Variants in MDM1 observed in about 807,000 individuals in gnomAD.
MDM1 encodes the protein Mdm1 nuclear protein.
MDM1 carries 61 observed loss-of-function variants against 89.1 expected under a neutral mutation model. That is an observed-to-expected ratio of 0.68 (90% CI 0.56 to 0.85). The LOEUF (loss-of-function observed/expected upper bound fraction) is 0.85, where lower values mean the gene tolerates loss of function less well. Among genes scored for constraint, MDM1 ranks in the 40% least tolerant of loss-of-function variants. The pLI, the probability that MDM1 is intolerant of heterozygous loss-of-function variation, is 0.00. For synonymous variants in MDM1, 290 were observed against 294.1 expected (o/e 0.99, Z 0.14); for missense variants, 820 against 846.5 (o/e 0.97, Z 0.39).
chr12:68,323,437 C>G, intron 4 of MDM1, 197 bp from the exon 5 acceptor site: 1 of 447,038 alleles, frequency 2.2e-6, no homozygotes. Flanking sequence ...TTTTGAATAA[C>G]AGTTTTGTAA....
At chr12:68,306,880 G>T (rs1206235865) in intron 12 of MDM1, among the ~76,000 whole-genome samples, 3 of 152,154 alleles carry the variant, frequency 2.0e-5, no homozygotes, top group Non-Finnish European at 4.4e-5. Context: ...CTATGAAAAA[G>T]ACCTGCACTC....
Position 68,326,423 on chromosome 12 carries a change from T to C in MDM1, c.498+234A>G, listed in dbSNP as rs1875984394. 2.8e-6 allele frequency: 4 copies of C among 1,451,006 alleles called. No individual in the cohort carries two copies. In the Admixed American group the frequency reaches 8.4e-5, roughly 31 times the overall value. The allele number at this position is 1,451,006 out of a possible 1,614,324, so 89.9% of individuals were successfully genotyped here. On this transcript the variant is annotated intron_variant, in intron 3 of 14. Coordinates refer to ENST00000682720, the MANE Select transcript of MDM1 (RefSeq NM_001354969.2). ...ATGAATAAAATCCAGACGCAGGAGGTCCATCCAATAAACAGATTATCATAG... is the reference window on the plus strand; with the variant it reads ...ATGAATAAAATCCAGACGCAGGAGGCCCATCCAATAAACAGATTATCATAG...
Position 68,315,224 on chromosome 12 carries a change from G to T in MDM1, c.1253C>A (p.Thr418Lys). The T allele has an allele frequency of 6.2e-7, 1 of 1,614,142 alleles. No individual in the cohort carries two copies. Among genetic ancestry groups the T allele is most frequent in the Non-Finnish European group, 8.5e-7 (1 of 1,180,022 alleles). The change falls in exon 10 of 15, where the codon ACA becomes AAA. Residue 418 changes from threonine to lysine, a missense_variant. Coordinates refer to ENST00000682720, the MANE Select transcript of MDM1 (RefSeq NM_001354969.2). Reference protein sequence around the residue: ...SHKTLQKCPSTEPEEKGNIVE... With the variant: ...SHKTLQKCPSKEPEEKGNIVE... ...GATATTTCCTTTTTCTTCTGGTTCTGTAGAAGGACATTTCTGCAAAGTCTT... is the reference window on the plus strand; with the variant it reads ...GATATTTCCTTTTTCTTCTGGTTCTTTAGAAGGACATTTCTGCAAAGTCTT...
In MDM1 at chr12:68,306,995, T is replaced by C. The variant is rs912619546; in HGVS notation, c.1750-4123A>G. Among the ~76,000 whole-genome samples the C allele has an allele frequency of 2.6e-5, 4 of 152,248 alleles. No individual in the cohort carries two copies. The East Asian group carries it at 5.8e-4, about 22-fold the overall frequency. On this transcript the variant is annotated intron_variant, in intron 12 of 14. Transcript: ENST00000682720. ...GAAAATGTAGTACATATACACACCATAGAATACTGCGCAGCCATAAGAAAG... is the reference window on the plus strand; with the variant it reads ...GAAAATGTAGTACATATACACACCACAGAATACTGCGCAGCCATAAGAAAG...
Position 68,319,503 on chromosome 12 carries a change from G to A in MDM1, c.1005+1844C>T, listed in dbSNP as rs547220209. ...CTCCTTCCTGAAATGTTAGGAGTGG[G>A]AAAATGAAGGAGTACTGTACCTTAT... is the stretch of plus-strand genomic sequence containing the variant. On this transcript the variant is annotated intron_variant, in intron 7 of 14. Transcript: ENST00000682720. Among the ~76,000 whole-genome samples the A allele has an allele frequency of 1.2e-4, 19 of 152,272 alleles. No homozygotes were observed. In the South Asian group the frequency reaches 3.7e-3, roughly 30 times the overall value.
At chr12:68,313,828 T>C (rs1433024276) in intron 10 of MDM1, 75 bp from the exon 11 acceptor site, 14 of 1,281,970 alleles carry the variant, frequency 1.1e-5, no homozygotes, top group South Asian at 3.7e-5. Flanking sequence ...TTTGCCATCA[T>C]TGTGCAATAA....
At position 68,316,596 on chromosome 12, in the gene MDM1, G is replaced by A. The variant is rs1199089743; in HGVS notation, c.1020C>T (p.Ala340=). ...GNMPNQGSLN[A]MWYAEVKELR... is the part of the protein sequence containing the mutation. ...AGCAACCAACCTCAGCATACCACAT[G>A]GCATTTAGAGAACCCTAGAGAAGGA... Residue 340 remains alanine (A), a synonymous_variant, in exon 8 of 15, where the codon GCC becomes GCT. Transcript: ENST00000682720. 3.6e-5 allele frequency: 56 copies of A among 1,534,710 alleles called. No individual in the cohort carries two copies. The highest frequency in any genetic ancestry group is 4.6e-5 in the Non-Finnish European group (53 of 1,145,854).
At chr12:68,313,329 T>A (rs945565328) in intron 12 of MDM1, 114 bp downstream of exon 12, 13 of 753,034 alleles carry the variant, frequency 1.7e-5, no homozygotes, top group African/African-American at 1.4e-4. Flanking sequence ...AACAGTATCA[T>A]CTCCTCATAT....
At chr12:68,332,003 T>C (rs2121225475) in intron 1 of MDM1, 1 of 707,110 alleles carries the variant, frequency 1.4e-6, no homozygotes, top group South Asian at 1.5e-5. Flanking sequence ...TCTCGCACCA[T>C]CTGACTCTTC....
chr12:68,310,052 C>T (rs1175848512), intron 12 of MDM1, among the ~76,000 whole-genome samples: 1 of 152,250 alleles, frequency 6.6e-6, no homozygotes, highest in South Asian at 2.1e-4. Context: ...CTCACTCCAA[C>T]CTCCACCTCC....
intron 12 of MDM1, among the ~76,000 whole-genome samples, chr12:68,306,654 G>C (rs1176004491): frequency 3.3e-5 from 5 of 152,184 alleles, no homozygotes; most frequent in African/African-American, 9.7e-5. Flanking sequence ...AATCACCAGA[G>C]AGATGCAAAT....
chr12:68,308,892 C>T (rs1873300739), intron 12 of MDM1, among the ~76,000 whole-genome samples: 1 of 152,304 alleles, frequency 6.6e-6, no homozygotes, highest in East Asian at 1.9e-4. Flanking sequence ...CATCCATTAT[C>T]CAACCCAGCA....
At chr12:68,321,742 C>T (rs969753002) in intron 5 of MDM1, 114 bp from the exon 6 acceptor site, 1 of 587,816 alleles carries the variant, frequency 1.7e-6, no homozygotes, top group South Asian at 3.2e-5. Flanking sequence ...TTTTTAGAAG[C>T]TTTAGATACT....
At position 68,327,039 on chromosome 12, in the gene MDM1, C is replaced by T. The variant is rs771928650; in HGVS notation, c.134-18G>A. ...CGTGATGCCTACAAAACACGGTATA[C>T]AAAAATAGTAGCTACTAAAGCAAAA... On this transcript the variant is annotated intron_variant, in intron 2 of 14. Transcript: ENST00000682720. 1 of 1,548,618 alleles carries T rather than the reference C, an allele frequency of 6.5e-7. No homozygotes were observed. The highest frequency in any genetic ancestry group is 1.2e-5 in the South Asian group (1 of 82,188).
chr12:68,322,523 A>C (rs1313441438), intron 5 of MDM1, among the ~76,000 whole-genome samples: 1 of 152,118 alleles, frequency 6.6e-6, no homozygotes, highest in Non-Finnish European at 1.5e-5. Context: ...AGTCCCAGCT[A>C]CTCAGGAGGC....
chr12:68,328,511 A>AG (rs1283018742), intron 2 of MDM1, among the ~76,000 whole-genome samples: 1 of 152,270 alleles, frequency 6.6e-6, no homozygotes, highest in African/African-American at 2.4e-5. Context: ...AAAATATATA[A>AG]GCACTATGCA....
chr12:68,313,296 T>A, intron 12 of MDM1, 147 bp downstream of exon 12: 1 of 617,270 alleles, frequency 1.6e-6, no homozygotes, highest in Middle Eastern at 4.4e-4. Flanking sequence ...AAGTCAAGCC[T>A]TTTGCCTTAC....
chr12:68,316,485 G>T, intron 8 of MDM1, 96 bp downstream of exon 8: 2 of 1,052,426 alleles, frequency 1.9e-6, no homozygotes, highest in Non-Finnish European at 2.8e-6. Flanking sequence ...GAAATTCATA[G>T]CAGCTAAGAA....
At chr12:68,326,504 A>T in intron 3 of MDM1, 153 bp downstream of exon 3, 1 of 1,546,724 alleles carries the variant, frequency 6.5e-7, no homozygotes, top group East Asian at 2.4e-5. Context: ...CAATAACTAA[A>T]GTCAACAGCC....
Sources: gnomAD v4.1 joint callset for allele counts (sites outside exome capture counted in the v4.1 genomes callset) on GRCh38, gnomAD v4.1.1 for gene constraint, MANE v1.5 for transcripts, NCBI Gene and HGNC (gene_info 2026-07-23, HGNC 2026-07-21) for gene names.